LRP12: variants seen among roughly 807,000 people sequenced by gnomAD.
LRP12 encodes the protein LDL receptor related protein 12, also known as low-density lipoprotein receptor-related protein 12.
Under a neutral mutation model 66.0 loss-of-function variants are expected in LRP12, and 14 were observed. The observed-to-expected ratio is 0.21, with a 90% confidence interval of 0.14 to 0.33. The LOEUF (loss-of-function observed/expected upper bound fraction) is 0.33, where lower values mean the gene tolerates loss of function less well. Among genes scored for constraint, LRP12 ranks in the 10% least tolerant of loss-of-function variants. The probability of loss-of-function intolerance (pLI) is 1.00; values close to 1 mark genes in which losing one functional copy is unlikely to be tolerated. For synonymous variants in LRP12, 357 were observed against 359.1 expected, an observed-to-expected ratio of 0.99 and a Z score of 0.07; for missense variants, 889 against 1,053.4, an observed-to-expected ratio of 0.84 and a Z score of 2.16.
chr8:104,548,529 T>TAGA (rs1248528778), intron 1 of LRP12, among the ~76,000 whole-genome samples: 20 of 110,352 alleles, frequency 1.8e-4, no homozygotes, highest in African/African-American at 7.7e-4. Context: ...GTATCTAATA[T>TAGA]ATAATTCTAT....
chr8:104,512,268 G>T (rs554098569), intron 2 of LRP12, among the ~76,000 whole-genome samples: 4 of 152,294 alleles, frequency 2.6e-5, no homozygotes, highest in Admixed American at 2.6e-4. Context: ...AGTAAGCTGA[G>T]ATCGTGCCAC....
At chr8:104,520,988 C>A (rs895205445) in intron 2 of LRP12, among the ~76,000 whole-genome samples, 10 of 152,078 alleles carry the variant, frequency 6.6e-5, no homozygotes, top group Admixed American at 6.6e-4. Context: ...CATCTAAGCA[C>A]TGCATACCCT....
At chr8:104,531,368 T>C (rs969137606) in intron 2 of LRP12, among the ~76,000 whole-genome samples, 1 of 152,048 alleles carries the variant, frequency 6.6e-6, no homozygotes, top group Non-Finnish European at 1.5e-5. Context: ...TATAAAGTAA[T>C]TACAAGTTAT....
At chr8:104,547,198 A>G (rs955223367) in intron 1 of LRP12, among the ~76,000 whole-genome samples, 10 of 140,454 alleles carry the variant, frequency 7.1e-5, no homozygotes, top group Admixed American at 4.5e-4. Context: ...GTTATATCAT[A>G]TTTTGTATAT....
intron 1 of LRP12, among the ~76,000 whole-genome samples, chr8:104,547,660 A>C (rs1171504034): frequency 1.0e-4 from 12 of 120,506 alleles, no homozygotes; most frequent in African/African-American, 4.1e-4. Context: ...AAAATATAAT[A>C]TAATTCTATA....
At chr8:104,576,689 C>CA (rs1812170588) in intron 1 of LRP12, among the ~76,000 whole-genome samples, 1 of 152,098 alleles carries the variant, frequency 6.6e-6, no homozygotes, top group Non-Finnish European at 1.5e-5. Flanking sequence ...CACTATAAAG[C>CA]AACTGCATAA....
chr8:104,582,536 G>A (rs1202957306), intron 1 of LRP12, among the ~76,000 whole-genome samples: 1 of 152,128 alleles, frequency 6.6e-6, no homozygotes, highest in African/African-American at 2.4e-5. Context: ...AAAGGTATTG[G>A]AAATCCAGCT....
intron 1 of LRP12, among the ~76,000 whole-genome samples, chr8:104,561,982 T>C (rs1027833351): frequency 1.3e-5 from 2 of 152,194 alleles, no homozygotes; most frequent in Non-Finnish European, 2.9e-5. Context: ...TTGTGCTCAC[T>C]GCTATTGTGC....
chr8:104,491,292 T>C lies in LRP12; in HGVS notation c.1961A>G (p.Asp654Gly). 2 of 1,614,154 alleles carry C rather than the reference T, an allele frequency of 1.2e-6. No homozygotes were observed. The highest frequency in any genetic ancestry group is 1.7e-6 in the Non-Finnish European group (2 of 1,180,034). ...TCTTCTCTCATTTTCTGTGTCTGTATCATCAGACTCCACGGAAAACAAACT... is the reference window on the plus strand; with the variant it reads ...TCTTCTCTCATTTTCTGTGTCTGTACCATCAGACTCCACGGAAAACAAACT... Reference protein sequence around the residue: ...HRSLFSVESDDTDTENERRDM... With the variant: ...HRSLFSVESDGTDTENERRDM... Residue 654 changes from aspartate to glycine, a missense_variant, in exon 7 of 7, where the codon GAT becomes GGT. Physicochemically the swap from Asp to Gly is moderately conservative, Grantham distance 94. Coordinates refer to ENST00000276654, the MANE Select transcript of LRP12 (RefSeq NM_013437.5).
intron 1 of LRP12, among the ~76,000 whole-genome samples, chr8:104,534,781 T>G (rs1310264023): frequency 6.6e-6 from 1 of 151,944 alleles, no homozygotes; most frequent in Non-Finnish European, 1.5e-5. Context: ...GTACTACCAT[T>G]CTAAAAAATA....
chr8:104,518,052 A>C (rs912678666), intron 2 of LRP12, among the ~76,000 whole-genome samples: 1 of 152,146 alleles, frequency 6.6e-6, no homozygotes, highest in African/African-American at 2.4e-5. Context: ...GCCTACTGTT[A>C]ATTTAGGAAA....
intron 1 of LRP12, among the ~76,000 whole-genome samples, chr8:104,552,956 C>T (rs1811750751): frequency 6.6e-6 from 1 of 152,180 alleles, no homozygotes. Flanking sequence ...CCCCTAAATG[C>T]ACATCCTCAC....
intron 1 of LRP12, among the ~76,000 whole-genome samples, chr8:104,547,589 TAATATA>T: frequency 8.2e-6 from 1 of 122,438 alleles, no homozygotes; most frequent in Non-Finnish European, 1.6e-5. Context: ...TATTAATATA[TAATATA>T]TAATAATTAT....
chr8:104,589,032 T>A lies in LRP12; in HGVS notation c.-135A>T. ...GGCTGCTCCCTGCGCTCTCCGCGGC[T>A]GCGGGAGGGGGAAGGGAGGGGCCGC... On this transcript the variant is annotated 5_prime_UTR_variant, in exon 1 of 7. Coordinates refer to ENST00000276654, the MANE Select transcript of LRP12 (RefSeq NM_013437.5). 1 of 488,368 alleles carries A rather than the reference T, an allele frequency of 2.0e-6. No homozygotes were observed. Among genetic ancestry groups the A allele is most frequent in the Non-Finnish European group, 3.3e-6 (1 of 305,964 alleles). 30.3% of individuals were successfully genotyped at this position (488,368 alleles called of 1,614,324 possible).
intron 1 of LRP12, among the ~76,000 whole-genome samples, chr8:104,569,393 C>T (rs1168476543): frequency 6.6e-6 from 1 of 152,058 alleles, no homozygotes; most frequent in African/African-American, 2.4e-5. Flanking sequence ...GAATTGTACA[C>T]TTTTAAAAGC....
At chr8:104,537,658 G>C (rs1434228567) in intron 1 of LRP12, among the ~76,000 whole-genome samples, 1 of 152,146 alleles carries the variant, frequency 6.6e-6, no homozygotes, top group Non-Finnish European at 1.5e-5. Flanking sequence ...AAAATTGCCA[G>C]TGGGAATATA....
chr8:104,562,341 C>T (rs1811925464), intron 1 of LRP12, among the ~76,000 whole-genome samples: 1 of 151,920 alleles, frequency 6.6e-6, no homozygotes, highest in Admixed American at 6.6e-5. Flanking sequence ...TTTTATAAAC[C>T]ATAATAAACA....
chr8:104,502,517 T>C (rs1810841971), intron 3 of LRP12, among the ~76,000 whole-genome samples: 2 of 152,192 alleles, frequency 1.3e-5, no homozygotes, highest in South Asian at 4.1e-4. Flanking sequence ...CTCAACTGCA[T>C]CCTGACACCT....
intron 1 of LRP12, among the ~76,000 whole-genome samples, chr8:104,533,770 C>G (rs1333450267): frequency 6.6e-6 from 1 of 152,068 alleles, no homozygotes; most frequent in Non-Finnish European, 1.5e-5. Context: ...CCTACCTTAG[C>G]TTCCTGAGCA....
Sources: gnomAD v4.1 joint callset for allele counts (sites outside exome capture counted in the v4.1 genomes callset) on GRCh38, gnomAD v4.1.1 for gene constraint, MANE v1.5 for transcripts, NCBI Gene and HGNC (gene_info 2026-07-23, HGNC 2026-07-21) for gene names.